GRK3: variants seen among roughly 807,000 people sequenced by gnomAD.
GRK3 encodes G protein-coupled receptor kinase 3.
A neutral mutation model predicts 95.7 loss-of-function variants in GRK3; 54 were observed. The ratio of observed to expected loss-of-function variants is 0.56; its 90% CI spans 0.45 to 0.71. GRK3 has a LOEUF of 0.71. Among genes scored for constraint, GRK3 ranks in the 30% least tolerant of loss-of-function variants. The pLI is 0.00. For missense variants in GRK3, 649 were observed against 851.2 expected (o/e 0.76, Z 2.96); for synonymous variants, 281 against 290.8 (o/e 0.97, Z 0.34).
At chr22:25,644,155 G>T (rs868701116) in intron 2 of GRK3, among the ~76,000 whole-genome samples, 157 of 139,068 alleles carry the variant, frequency 1.1e-3, no homozygotes, top group Middle Eastern at 8.4e-3. Flanking sequence ...TTGTTTGTTT[G>T]TTTTTTTTTT....
chr22:25,702,724 G>T, intron 13 of GRK3: 2 of 411,642 alleles, frequency 4.9e-6, no homozygotes, highest in Non-Finnish European at 9.8e-6. Flanking sequence ...TTCACCAGTG[G>T]TTACTGTATT....
chr22:25,575,507 T>C (rs1375795384), intron 1 of GRK3, among the ~76,000 whole-genome samples: 2 of 152,196 alleles, frequency 1.3e-5, no homozygotes, highest in African/African-American at 4.8e-5. Flanking sequence ...TCTAGATCTG[T>C]AGTTATAAAG....
intron 16 of GRK3, among the ~76,000 whole-genome samples, chr22:25,710,455 T>C (rs151286223): frequency 1.3e-4 from 20 of 152,342 alleles, no homozygotes; most frequent in African/African-American, 4.1e-4. Flanking sequence ...TCAGCATGAT[T>C]TCCTTTCCTT....
intron 3 of GRK3, among the ~76,000 whole-genome samples, chr22:25,660,085 C>G (rs1052996669): frequency 6.6e-6 from 1 of 152,168 alleles, no homozygotes; most frequent in Non-Finnish European, 1.5e-5. Context: ...CCATTTTATC[C>G]TAGCATTCTG....
chr22:25,612,369 T>TG (rs1272976636), intron 2 of GRK3, among the ~76,000 whole-genome samples: 2 of 152,200 alleles, frequency 1.3e-5, no homozygotes, highest in Admixed American at 1.3e-4. Flanking sequence ...GATGCTATTG[T>TG]GAATGGAATT....
rs111996996 is a variant in GRK3, at chr22:25,718,140, CCTG to C, written c.1655-102_1655-100del. The C allele has an allele frequency of 2.4e-4, 311 of 1,309,926 alleles. No homozygotes were observed. In the African/African-American group the frequency reaches 4.3e-3, roughly 18 times the overall value. The allele number at this position is 1,309,926 out of a possible 1,614,324, so 81.1% of individuals were successfully genotyped here. ...CTGTAATGCGTTCTATTTATAGAAACCTGCTTTTTCCAAAAAGCATGTCTGTTC... is the reference window on the plus strand; with the variant it reads ...CTGTAATGCGTTCTATTTATAGAAACCTTTTTCCAAAAAGCATGTCTGTTC... On this transcript the variant is annotated intron_variant, in intron 18 of 20. Coordinates refer to ENST00000324198, the MANE Select transcript of GRK3 (RefSeq NM_005160.4).
At chr22:25,596,844 CCTT>C (rs768509141) in intron 1 of GRK3, among the ~76,000 whole-genome samples, 1 of 152,110 alleles carries the variant, frequency 6.6e-6, no homozygotes, top group Non-Finnish European at 1.5e-5. Context: ...TTATGCATGG[CCTT>C]CTTTATTTTG....
At chr22:25,602,973 G>C (rs2084418966) in intron 1 of GRK3, among the ~76,000 whole-genome samples, 1 of 152,200 alleles carries the variant, frequency 6.6e-6, no homozygotes, top group Non-Finnish European at 1.5e-5. Flanking sequence ...CTGGAGTGCA[G>C]TAGCACAATC....
At chr22:25,622,906 T>A (rs544151953) in intron 2 of GRK3, among the ~76,000 whole-genome samples, 5 of 152,254 alleles carry the variant, frequency 3.3e-5, no homozygotes, top group African/African-American at 1.2e-4. Context: ...GTTTCTGTAA[T>A]TTAGGGGAAT....
At chr22:25,627,371 G>A (rs2084635441) in intron 2 of GRK3, among the ~76,000 whole-genome samples, 1 of 152,210 alleles carries the variant, frequency 6.6e-6, no homozygotes, top group Non-Finnish European at 1.5e-5. Flanking sequence ...CCCTCCCTGA[G>A]CCTCCTTGGC....
chr22:25,564,962 C>CGCGGCGGGCGGCG lies in GRK3; in HGVS notation c.-68_-56dup, dbSNP rs981795140. 2.4e-5 allele frequency: 8 copies of CGCGGCGGGCGGCG among 337,876 alleles called. No individual in the cohort carries two copies. The highest frequency in any genetic ancestry group is 3.4e-5 in the Non-Finnish European group (8 of 232,922). 20.9% of individuals were successfully genotyped at this position (337,876 alleles called of 1,614,324 possible). The stretch of plus-strand genomic sequence containing the variant: ...CCGGGGCGGCCCCCCCAGGTCGGGG[C>CGCGGCGGGCGGCG]GCGGCGGGCGGCGGCGGCGGGCGCG... On this transcript the variant is annotated 5_prime_UTR_variant, in exon 1 of 21. Transcript: ENST00000324198.
chr22:25,694,977 A>G, intron 12 of GRK3, 130 bp from the exon 13 acceptor site: 3 of 599,270 alleles, frequency 5.0e-6, no homozygotes, highest in Non-Finnish European at 6.0e-6. Context: ...TTTGCGGTGA[A>G]GCACAACTGT....
chr22:25,648,675 A>C (rs1012767124), intron 3 of GRK3: 1 of 1,031,316 alleles, frequency 9.7e-7, no homozygotes, highest in Non-Finnish European at 1.5e-6. Flanking sequence ...AAGCTTATTC[A>C]ATTTCCTTAA....
At chr22:25,589,659 C>A (rs1164868444) in intron 1 of GRK3, among the ~76,000 whole-genome samples, 3 of 152,056 alleles carry the variant, frequency 2.0e-5, no homozygotes, top group African/African-American at 7.2e-5. Flanking sequence ...ATTTACAGAA[C>A]GAGAGAATAG....
At chr22:25,617,807 CACTT>C (rs1011219858) in intron 2 of GRK3, among the ~76,000 whole-genome samples, 1 of 152,102 alleles carries the variant, frequency 6.6e-6, no homozygotes, top group African/African-American at 2.4e-5. Context: ...GATGGAGTCT[CACTT>C]TGTTGCCCAG....
At position 25,577,437 on chromosome 22, in the gene GRK3, A is replaced by G. The variant is rs754049427; in HGVS notation, c.113+12284A>G. On this transcript the variant is annotated intron_variant, in intron 1 of 20. Coordinates refer to ENST00000324198, the MANE Select transcript of GRK3 (RefSeq NM_005160.4). ...TGATTCAACTGCCTCAGCCTCCCAAAGTGTTGGGATTACAGGCATGAGCCA... is the reference window on the plus strand; with the variant it reads ...TGATTCAACTGCCTCAGCCTCCCAAGGTGTTGGGATTACAGGCATGAGCCA... Among the ~76,000 whole-genome samples, 6 of 152,112 alleles carry G rather than the reference A, an allele frequency of 3.9e-5. 1 individual carries two copies. The highest frequency in any genetic ancestry group is 7.2e-5 in the African/African-American group (3 of 41,406).
At chr22:25,620,016 G>C (rs4049391) in intron 2 of GRK3, among the ~76,000 whole-genome samples, 1 of 131,032 alleles carries the variant, frequency 7.6e-6, no homozygotes, top group Non-Finnish European at 1.6e-5. Flanking sequence ...TTGTGTGTGT[G>C]TGTGTGTGTG....
At chr22:25,599,584 T>A in intron 1 of GRK3, among the ~76,000 whole-genome samples, 1 of 137,806 alleles carries the variant, frequency 7.3e-6, no homozygotes, top group Admixed American at 7.0e-5. Context: ...AGAGCGAGAC[T>A]CTGTCTCAAA....
intron 3 of GRK3, chr22:25,647,222 C>T (rs1175996478): frequency 3.0e-6 from 1 of 328,852 alleles, no homozygotes. Context: ...GCTGCAGCAG[C>T]AGCGACTCAT....
Sources: allele counts gnomAD v4.1 joint callset (sites outside exome capture counted in the v4.1 genomes callset), GRCh38; gene constraint gnomAD v4.1.1; transcripts MANE v1.5; gene names NCBI Gene and HGNC (gene_info 2026-07-23, HGNC 2026-07-21).